The following TRDMT1 variants were observed in gnomAD, a reference collection of about 807,000 sequenced individuals.
TRDMT1 encodes the protein tRNA (cytosine(38)-C(5))-methyltransferase.
Under a neutral mutation model 51.2 loss-of-function variants are expected in TRDMT1, and 49 were observed. The ratio of observed to expected loss-of-function variants is 0.96; its 90% CI spans 0.76 to 1.21. The LOEUF (loss-of-function observed/expected upper bound fraction) is 1.21, where lower values mean the gene tolerates loss of function less well. TRDMT1 is among the 50% of genes most tolerant of loss of function. The probability of loss-of-function intolerance (pLI) is 0.00; values close to 1 mark genes in which losing one functional copy is unlikely to be tolerated. For missense variants in TRDMT1, 534 were observed against 462.3 expected (o/e 1.16, Z -1.42); for synonymous variants, 187 against 164.6 (o/e 1.14, Z -1.04).
chr10:17,167,843 T>A (rs1841418377), intron 3 of TRDMT1, among the ~76,000 whole-genome samples: 2 of 152,204 alleles, frequency 1.3e-5, no homozygotes, highest in African/African-American at 4.8e-5. Context: ...TATTCTTGAA[T>A]GCTCATTAGT....
In TRDMT1 at chr10:17,146,044, C is replaced by T; in HGVS notation, c.*2996G>A. 2 of 985,462 alleles carry T rather than the reference C, an allele frequency of 2.0e-6. No homozygotes were observed. Among genetic ancestry groups the T allele is most frequent in the Non-Finnish European group, 2.4e-6 (2 of 829,950 alleles). 61.0% of individuals were successfully genotyped at this position (985,462 alleles called of 1,614,324 possible). The stretch of plus-strand genomic sequence containing the variant: ...AATGCGTTGAATTGCCTGCACTCAT[C>T]TCTAACCCCATCCAATTTTACATCC... On this transcript the variant is annotated 3_prime_UTR_variant, in exon 11 of 11. Transcript: ENST00000377799.
chr10:17,168,609 G>T (rs538608997), intron 3 of TRDMT1, among the ~76,000 whole-genome samples: 1 of 152,268 alleles, frequency 6.6e-6, no homozygotes, highest in East Asian at 1.9e-4. Flanking sequence ...TAAGTCTCAT[G>T]AGATCAGATG....
chr10:17,164,805 C>T (rs1214421813), intron 3 of TRDMT1, among the ~76,000 whole-genome samples: 1 of 152,132 alleles, frequency 6.6e-6, no homozygotes, highest in Non-Finnish European at 1.5e-5. Context: ...AGGAATCCAA[C>T]TTACAAGGGA....
intron 1 of TRDMT1, among the ~76,000 whole-genome samples, chr10:17,180,620 G>A (rs1843171809): frequency 1.3e-5 from 2 of 150,970 alleles, no homozygotes; most frequent in Non-Finnish European, 2.9e-5. Flanking sequence ...AAGTAACATT[G>A]CATTAATGCT....
intron 1 of TRDMT1, among the ~76,000 whole-genome samples, chr10:17,176,469 A>C (rs1298631715): frequency 6.6e-6 from 1 of 152,242 alleles, no homozygotes; most frequent in Non-Finnish European, 1.5e-5. Flanking sequence ...AGTATTTCAT[A>C]TGGTGATCCA....
At chr10:17,159,117 T>C in intron 7 of TRDMT1, 29 bp downstream of exon 7, 1 of 1,405,356 alleles carries the variant, frequency 7.1e-7, no homozygotes, top group Non-Finnish European at 9.8e-7. Flanking sequence ...TAAGCCATAA[T>C]ATTCATAATA....
chr10:17,200,212 G>A (rs953166952), intron 1 of TRDMT1, among the ~76,000 whole-genome samples: 1 of 152,172 alleles, frequency 6.6e-6, no homozygotes, highest in Admixed American at 6.5e-5. Flanking sequence ...AAAAACTGAA[G>A]AATGATCTAA....
rs1838124223 is a variant in TRDMT1 at position 17,146,518 on chromosome 10, A to G, written c.*2522T>C. 2.0e-6 allele frequency: 2 copies of G among 985,100 alleles called. No homozygotes were observed. The highest frequency in any genetic ancestry group is 9.4e-5 in the South Asian group (2 of 21,292). The allele number at this position is 985,100 out of a possible 1,614,324, so 61.0% of individuals were successfully genotyped here. A position where few individuals can be genotyped will look rare whatever the true frequency, so the allele number is the denominator to read the frequency against. The stretch of plus-strand genomic sequence containing the variant: ...ACATTAATTGATTTGGTCATCTCTT[A>G]GAATTAGTTTTGGATCCTGAAGACA... On this transcript the variant is annotated 3_prime_UTR_variant, in exon 11 of 11. Coordinates refer to ENST00000377799, the MANE Select transcript of TRDMT1 (RefSeq NM_004412.7).
rs115464574 is a variant in TRDMT1, at chr10:17,188,676, C to A, written c.64+12895G>T. Among the ~76,000 whole-genome samples, 1,429 of 152,290 alleles carry A rather than the reference C, an allele frequency of 9.4e-3. 28 individuals carry two copies. Among genetic ancestry groups the A allele is most frequent in the African/African-American group, 0.032 (1,335 of 41,558 alleles). On this transcript the variant is annotated intron_variant, in intron 1 of 10. Transcript: ENST00000377799. ...TTGAAATCAGGGTCACTATCATCAACAGAGCCACCTTTTAAATCATCTAAC... is the reference window on the plus strand; with the variant it reads ...TTGAAATCAGGGTCACTATCATCAAAAGAGCCACCTTTTAAATCATCTAAC...
Position 17,162,247 on chromosome 10 carries a change from T to TTAAAAAAAAAAA in TRDMT1, c.252-11_252-10insTTTTTTTTTTTA. 7.4e-7 allele frequency: 1 copy of TTAAAAAAAAAAA among 1,352,330 alleles called. No individual in the cohort carries two copies. The highest frequency in any genetic ancestry group is 1.0e-6 in the Non-Finnish European group (1 of 1,004,718). 83.8% of individuals were successfully genotyped at this position (1,352,330 alleles called of 1,614,324 possible). A position where few individuals can be genotyped will look rare whatever the true frequency, so the allele number is the denominator to read the frequency against. ...ACCCTGCCGGCCAATCCTAAAGGGG[T>TTAAAAAAAAAAA]AAAAAAAAAAAAAAACAAAAAAAAA... On this transcript the variant is annotated splice_polypyrimidine_tract_variant and intron_variant, in intron 3 of 10. Transcript: ENST00000377799.
intron 1 of TRDMT1, among the ~76,000 whole-genome samples, chr10:17,199,112 A>C (rs1355980062): frequency 6.6e-6 from 1 of 152,222 alleles, no homozygotes; most frequent in Non-Finnish European, 1.5e-5. Flanking sequence ...TATTATATTA[A>C]AAACCACCTG....
intron 1 of TRDMT1, 67 bp from the exon 2 acceptor site, chr10:17,174,727 T>G: frequency 1.8e-6 from 2 of 1,135,932 alleles, no homozygotes; most frequent in South Asian, 1.3e-5. Context: ...GAAATCAAAA[T>G]AGCAGAATTT....
intron 1 of TRDMT1, among the ~76,000 whole-genome samples, chr10:17,176,295 A>C (rs1359073730): frequency 6.6e-6 from 1 of 152,146 alleles, no homozygotes; most frequent in Non-Finnish European, 1.5e-5. Flanking sequence ...TATGAAGCAA[A>C]CTGGGATTGC....
intron 1 of TRDMT1, among the ~76,000 whole-genome samples, chr10:17,175,607 C>T (rs1354356640): frequency 6.6e-6 from 1 of 151,350 alleles, no homozygotes; most frequent in Non-Finnish European, 1.5e-5. Flanking sequence ...ATCCAAGTAG[C>T]CGATTCTTTA....
Position 17,144,446 on chromosome 10 carries a change from T to C in TRDMT1, c.*4594A>G. 1.0e-6 allele frequency: 1 copy of C among 985,632 alleles called. No individual in the cohort carries two copies. Among genetic ancestry groups the C allele is most frequent in the Non-Finnish European group, 1.2e-6 (1 of 829,928 alleles). 61.1% of individuals were successfully genotyped at this position (985,632 alleles called of 1,614,324 possible). ...CTATCTTGTAATTTTTGTGAAAATT[T>C]CCGGTCTCATATTTATAGGAAAAAT... On this transcript the variant is annotated 3_prime_UTR_variant, in exon 11 of 11. Coordinates refer to ENST00000377799, the MANE Select transcript of TRDMT1 (RefSeq NM_004412.7).
intron 3 of TRDMT1, among the ~76,000 whole-genome samples, chr10:17,165,819 A>G (rs1445128061): frequency 1.3e-5 from 2 of 152,242 alleles, no homozygotes; most frequent in African/African-American, 2.4e-5. Context: ...AACTACAATG[A>G]GATACCATCT....
intron 8 of TRDMT1, among the ~76,000 whole-genome samples, chr10:17,156,495 A>T (rs1463972097): frequency 6.6e-6 from 1 of 152,108 alleles, no homozygotes; most frequent in Non-Finnish European, 1.5e-5. Flanking sequence ...TCAGCCTCCC[A>T]AAGTGTTGGG....
At position 17,147,689 on chromosome 10, in the gene TRDMT1, A is replaced by G. The variant is rs1265586360; in HGVS notation, c.*1351T>C. 1 of 153,282 alleles carries G rather than the reference A, an allele frequency of 6.5e-6. No individual in the cohort carries two copies. The highest frequency in any genetic ancestry group is 1.9e-4 in the East Asian group (1 of 5,202). 9.5% of individuals were successfully genotyped at this position (153,282 alleles called of 1,614,324 possible). A position where few individuals can be genotyped will look rare whatever the true frequency, so the allele number is the denominator to read the frequency against. On this transcript the variant is annotated 3_prime_UTR_variant, in exon 11 of 11. Coordinates refer to ENST00000377799, the MANE Select transcript of TRDMT1 (RefSeq NM_004412.7). ...TATTCCACTGCATGCACGGAACACA[A>G]TTCCTGCATCCATTCATGGGTGAAT...
At chr10:17,149,183 C>A in intron 10 of TRDMT1, 43 bp from the exon 11 acceptor site, 1 of 1,489,112 alleles carries the variant, frequency 6.7e-7, no homozygotes. Flanking sequence ...TTTGTAATCA[C>A]AATTTCCAGA....
Sources: gnomAD v4.1 joint callset for allele counts (sites outside exome capture counted in the v4.1 genomes callset) on GRCh38, gnomAD v4.1.1 for gene constraint, MANE v1.5 for transcripts, NCBI Gene and HGNC (gene_info 2026-07-23, HGNC 2026-07-21) for gene names.